The following ZBTB20 variants were observed in gnomAD, a reference collection of about 807,000 sequenced individuals.
ZBTB20 encodes the protein zinc finger and BTB domain containing 20.
Under a neutral mutation model 56.9 loss-of-function variants are expected in ZBTB20, and 9 were observed. The ratio of observed to expected loss-of-function variants is 0.16; its 90% CI spans 0.10 to 0.28. The LOEUF (loss-of-function observed/expected upper bound fraction) is 0.28, where lower values mean the gene tolerates loss of function less well. Ranked by LOEUF, ZBTB20 falls within the 10% of genes least tolerant of loss-of-function variation. The pLI is 1.00. For synonymous variants in ZBTB20, 417 were observed against 420.7 expected (o/e 0.99, Z 0.11); for missense variants, 655 against 1,003.0 (o/e 0.65, Z 4.69).
At chr3:114,858,750 G>C (rs923981112) in intron 4 of ZBTB20, among the ~76,000 whole-genome samples, 4 of 152,102 alleles carry the variant, frequency 2.6e-5, no homozygotes, top group Non-Finnish European at 5.9e-5. Flanking sequence ...GGACATTAAA[G>C]TAAAAGAGAC....
At chr3:114,651,405 A>G (rs953114514) in intron 6 of ZBTB20, among the ~76,000 whole-genome samples, 1 of 152,040 alleles carries the variant, frequency 6.6e-6, no homozygotes, top group Non-Finnish European at 1.5e-5. Context: ...AGTTAAATGC[A>G]GGGAAGTGGT....
At chr3:114,955,372 T>C (rs558830095) in intron 3 of ZBTB20, among the ~76,000 whole-genome samples, 1 of 152,292 alleles carries the variant, frequency 6.6e-6, no homozygotes, top group East Asian at 1.9e-4. Context: ...ACAGAGCACA[T>C]ACGAAATTGT....
chr3:114,963,526 T>C (rs1303627193), intron 3 of ZBTB20, among the ~76,000 whole-genome samples: 4 of 152,198 alleles, frequency 2.6e-5, no homozygotes, highest in African/African-American at 9.6e-5. Context: ...TGTTATTTTA[T>C]AATGCTTTCC....
chr3:114,411,724 A>G (rs1224568354), intron 7 of ZBTB20, among the ~76,000 whole-genome samples: 1 of 152,074 alleles, frequency 6.6e-6, no homozygotes, highest in Non-Finnish European at 1.5e-5. Flanking sequence ...TTCCCTCACA[A>G]GGGAGGGAAG....
intron 5 of ZBTB20, among the ~76,000 whole-genome samples, chr3:114,742,604 T>G (rs1312000681): frequency 6.6e-6 from 1 of 152,174 alleles, no homozygotes; most frequent in East Asian, 1.9e-4. Context: ...AAACTAAAGC[T>G]GACAGAGATT....
At chr3:114,854,641 G>A (rs1351975172) in intron 4 of ZBTB20, among the ~76,000 whole-genome samples, 1 of 152,122 alleles carries the variant, frequency 6.6e-6, no homozygotes, top group East Asian at 1.9e-4. Flanking sequence ...ATCACTTAAC[G>A]TCCCTGAATC....
intron 2 of ZBTB20, among the ~76,000 whole-genome samples, chr3:115,049,859 C>T (rs2081477327): frequency 6.6e-6 from 1 of 151,996 alleles, no homozygotes; most frequent in Non-Finnish European, 1.5e-5. Context: ...GGTCAATCTG[C>T]TAGAATAGTT....
intron 5 of ZBTB20, among the ~76,000 whole-genome samples, chr3:114,787,366 T>TATATACACACAC (rs1278656494): frequency 1.2e-5 from 1 of 82,900 alleles, no homozygotes; most frequent in African/African-American, 5.3e-5. Flanking sequence ...TATATATATA[T>TATATACACACAC]ATACACACAC....
intron 6 of ZBTB20, among the ~76,000 whole-genome samples, chr3:114,689,453 G>A (rs2062564507): frequency 6.6e-6 from 1 of 152,074 alleles, no homozygotes; most frequent in South Asian, 2.1e-4. Context: ...GGGGAAAGGA[G>A]GTGGAAGGTG....
chr3:114,394,944 G>A (rs541373275), intron 7 of ZBTB20, among the ~76,000 whole-genome samples: 1 of 152,252 alleles, frequency 6.6e-6, no homozygotes, highest in African/African-American at 2.4e-5. Context: ...TCTCTAACAT[G>A]TAAAGTTCCT....
chr3:114,458,434 G>A (rs995189345), intron 7 of ZBTB20, among the ~76,000 whole-genome samples: 4 of 152,084 alleles, frequency 2.6e-5, no homozygotes, highest in African/African-American at 9.7e-5. Flanking sequence ...GTAAAATAAA[G>A]ATAACTAGTT....
At chr3:114,706,422 C>A (rs1248137110) in intron 5 of ZBTB20, among the ~76,000 whole-genome samples, 2 of 151,960 alleles carry the variant, frequency 1.3e-5, no homozygotes, top group African/African-American at 4.8e-5. Flanking sequence ...CAAAGACAAA[C>A]TTTTTGGTGA....
rs191184035 is a variant in ZBTB20 at position 114,939,388 on chromosome 3, T to C, written c.-456+34978A>G. ...GCTGTGGCTATTACAATGGAAAACTTATATTTTAAGTAAAATTGAAAATAG... is the reference window on the plus strand; with the variant it reads ...GCTGTGGCTATTACAATGGAAAACTCATATTTTAAGTAAAATTGAAAATAG... On this transcript the variant is annotated intron_variant, in intron 3 of 11. Coordinates refer to ENST00000675478, the MANE Select transcript of ZBTB20 (RefSeq NM_001348800.3). 2.9e-3 allele frequency among the ~76,000 whole-genome samples: 430 copies of C among 146,488 alleles called. 89 individuals carry two copies. The highest frequency in any genetic ancestry group is 0.012 in the African/African-American group (423 of 36,110).
intron 3 of ZBTB20, among the ~76,000 whole-genome samples, chr3:114,961,576 C>A (rs980061361): frequency 3.9e-5 from 6 of 152,014 alleles, no homozygotes; most frequent in Non-Finnish European, 8.8e-5. Context: ...GATGAATCTT[C>A]TTCAAGGAAA....
chr3:114,574,116 A>G (rs1222033485), intron 6 of ZBTB20, among the ~76,000 whole-genome samples: 1 of 152,194 alleles, frequency 6.6e-6, no homozygotes, highest in Non-Finnish European at 1.5e-5. Context: ...AATAACTTTA[A>G]GAACTATCTA....
chr3:114,900,574 G>A (rs1354031802), intron 3 of ZBTB20: 1 of 148,680 alleles, frequency 6.7e-6, no homozygotes, highest in African/African-American at 2.5e-5. Context: ...TGTATCATAA[G>A]CACTAGCAAG....
intron 6 of ZBTB20, among the ~76,000 whole-genome samples, chr3:114,580,208 G>C (rs1393238531): frequency 3.3e-5 from 5 of 151,362 alleles, no homozygotes; most frequent in African/African-American, 1.2e-4. Flanking sequence ...TTAATATCAG[G>C]AAATGTATTA....
At position 114,713,606 on chromosome 3, in the gene ZBTB20, C is replaced by A. The variant is rs191728058; in HGVS notation, c.-342-20031G>T. Among the ~76,000 whole-genome samples the A allele has an allele frequency of 1.3e-3, 201 of 152,240 alleles. 5 individuals are homozygous for A. Among genetic ancestry groups the A allele is most frequent in the Admixed American group, 0.012 (182 of 15,290 alleles). On this transcript the variant is annotated intron_variant, in intron 5 of 11. Coordinates refer to ENST00000675478, the MANE Select transcript of ZBTB20 (RefSeq NM_001348800.3). ...TAATTGGTCTTTGGGCACAGAATAG[C>A]CATTGGAATCTGGATTAGAGTCTGA...
chr3:115,107,791 C>T (rs2083765379), intron 1 of ZBTB20, among the ~76,000 whole-genome samples: 2 of 152,176 alleles, frequency 1.3e-5, no homozygotes, highest in South Asian at 4.1e-4. Flanking sequence ...TACATATACA[C>T]CATGGAATAC....
Sources: allele counts gnomAD v4.1 joint callset (sites outside exome capture counted in the v4.1 genomes callset), GRCh38; gene constraint gnomAD v4.1.1; transcripts MANE v1.5; gene names NCBI Gene and HGNC (gene_info 2026-07-23, HGNC 2026-07-21).